MGAT4C: variants seen among roughly 807,000 people sequenced by gnomAD.
MGAT4C encodes the protein MGAT4 family member C.
In MGAT4C, 19 loss-of-function variants were observed where a neutral mutation model predicts 40.1. The ratio of observed to expected loss-of-function variants is 0.47; its 90% CI spans 0.33 to 0.70. The LOEUF (loss-of-function observed/expected upper bound fraction) is 0.70, where lower values mean the gene tolerates loss of function less well. Ranked by LOEUF, MGAT4C falls within the 30% of genes least tolerant of loss-of-function variation. The pLI, the probability that MGAT4C is intolerant of heterozygous loss-of-function variation, is 0.02. For synonymous variants in MGAT4C, 181 were observed against 187.1 expected, an observed-to-expected ratio of 0.97 and a Z score of 0.27; for missense variants, 491 against 563.2, an observed-to-expected ratio of 0.87 and a Z score of 1.30.
intron 2 of MGAT4C, among the ~76,000 whole-genome samples, chr12:86,575,728 G>A (rs1960534168): frequency 6.6e-6 from 1 of 151,884 alleles, no homozygotes; most frequent in Admixed American, 6.6e-5. Context: ...ATACCCAGCA[G>A]TGGGATTGCT....
At chr12:86,560,874 A>T (rs1461365311) in intron 2 of MGAT4C, among the ~76,000 whole-genome samples, 1 of 152,160 alleles carries the variant, frequency 6.6e-6, no homozygotes, top group African/African-American at 2.4e-5. Context: ...CAGAAAACAA[A>T]ATCTTATATA....
chr12:86,177,542 G>A (rs1200908051), intron 1 of MGAT4C, among the ~76,000 whole-genome samples: 1 of 152,012 alleles, frequency 6.6e-6, no homozygotes, highest in Non-Finnish European at 1.5e-5. Context: ...AGAAATAGAG[G>A]TGGGGCATAA....
At chr12:86,051,906 AT>A (rs1892935564) in intron 1 of MGAT4C, among the ~76,000 whole-genome samples, 1 of 151,708 alleles carries the variant, frequency 6.6e-6, no homozygotes, top group Non-Finnish European at 1.5e-5. Flanking sequence ...GATGAAAAAT[AT>A]TTTGAGTCAA....
Position 85,989,620 on chromosome 12 carries a change from T to C in MGAT4C, c.-6-68A>G. ...TGCAAATATTTCTTTATCGCATATA[T>C]AAAAGTCAGGTCCTTGTAAAATTTC... is the stretch of plus-strand genomic sequence containing the variant. On this transcript the variant is annotated intron_variant, in intron 2 of 4. Coordinates refer to ENST00000611864, the MANE Select transcript of MGAT4C (RefSeq NM_001351288.2). 2.2e-6 allele frequency: 3 copies of C among 1,390,948 alleles called. No individual in the cohort carries two copies. In the South Asian group the frequency reaches 4.3e-5, roughly 20 times the overall value. 86.2% of individuals were successfully genotyped at this position (1,390,948 alleles called of 1,614,324 possible).
chr12:86,150,575 A>T (rs1447469544), intron 1 of MGAT4C, among the ~76,000 whole-genome samples: 3 of 152,212 alleles, frequency 2.0e-5, no homozygotes, highest in Non-Finnish European at 4.4e-5. Context: ...TCCAAGTTCT[A>T]TTAAGAGTTC....
intron 3 of MGAT4C, among the ~76,000 whole-genome samples, chr12:86,351,072 C>T (rs1337197252): frequency 6.6e-6 from 1 of 151,414 alleles, no homozygotes; most frequent in Non-Finnish European, 1.5e-5. Context: ...ATTTCTAAAT[C>T]CTTCTCTAGT....
intron 1 of MGAT4C, among the ~76,000 whole-genome samples, chr12:86,176,593 C>T (rs1887466007): frequency 6.6e-6 from 1 of 151,820 alleles, no homozygotes; most frequent in Non-Finnish European, 1.5e-5. Context: ...ACATGTCAAT[C>T]ACTGGAAGGA....
chr12:86,636,388 C>G (rs1479490453), intron 2 of MGAT4C, among the ~76,000 whole-genome samples: 1 of 151,994 alleles, frequency 6.6e-6, no homozygotes, highest in African/African-American at 2.4e-5. Flanking sequence ...CAATAGTACT[C>G]TAGGATGTTT....
intron 2 of MGAT4C, among the ~76,000 whole-genome samples, chr12:86,470,581 T>C (rs1363160381): frequency 6.6e-6 from 1 of 152,168 alleles, no homozygotes; most frequent in African/African-American, 2.4e-5. Context: ...GAATTGAATC[T>C]TATTCTAAAC....
At chr12:86,341,911 G>T (rs1954914104) in intron 3 of MGAT4C, among the ~76,000 whole-genome samples, 1 of 152,138 alleles carries the variant, frequency 6.6e-6, no homozygotes, top group Admixed American at 6.5e-5. Context: ...TGCTGTTTGG[G>T]TGACTTAACC....
intron 1 of MGAT4C, among the ~76,000 whole-genome samples, chr12:86,803,453 G>T (rs1308817615): frequency 2.0e-5 from 3 of 151,912 alleles, no homozygotes; most frequent in Non-Finnish European, 4.4e-5. Context: ...CACAGCAAAA[G>T]AAACTACCAT....
At chr12:86,206,409 T>C (rs1179731206) in intron 1 of MGAT4C, among the ~76,000 whole-genome samples, 5 of 152,190 alleles carry the variant, frequency 3.3e-5, no homozygotes, top group African/African-American at 1.2e-4. Flanking sequence ...ATGTAATTAA[T>C]GACAACTATA....
chr12:86,244,255 G>C (rs1334661634), intron 1 of MGAT4C, among the ~76,000 whole-genome samples: 1 of 152,172 alleles, frequency 6.6e-6, no homozygotes, highest in Non-Finnish European at 1.5e-5. Flanking sequence ...GATTAGGAAA[G>C]ATGGTGACTG....
chr12:86,539,930 C>G (rs1438412115), intron 2 of MGAT4C, among the ~76,000 whole-genome samples: 1 of 152,124 alleles, frequency 6.6e-6, no homozygotes, highest in African/African-American at 2.4e-5. Flanking sequence ...AGCCCTTTGT[C>G]AGATTGGTAG....
At chr12:86,492,176 G>A (rs1431250459) in intron 2 of MGAT4C, among the ~76,000 whole-genome samples, 1 of 152,160 alleles carries the variant, frequency 6.6e-6, no homozygotes, top group Non-Finnish European at 1.5e-5. Flanking sequence ...AACATTCCAT[G>A]CTCCTGGGTA....
chr12:86,241,011 A>C (rs2136044487), intron 1 of MGAT4C, among the ~76,000 whole-genome samples: 1 of 152,264 alleles, frequency 6.6e-6, no homozygotes, highest in South Asian at 2.1e-4. Context: ...CTCACAGAAT[A>C]TTCCTCACCT....
At chr12:86,515,068 C>T (rs369523954) in intron 2 of MGAT4C, among the ~76,000 whole-genome samples, 1 of 152,098 alleles carries the variant, frequency 6.6e-6, no homozygotes, top group South Asian at 2.1e-4. Flanking sequence ...TGAAATGAAG[C>T]ATATTCACGA....
chr12:86,457,181 C>A (rs556432897), intron 2 of MGAT4C, among the ~76,000 whole-genome samples: 2 of 152,088 alleles, frequency 1.3e-5, no homozygotes, highest in African/African-American at 4.8e-5. Flanking sequence ...TTTAATATAT[C>A]ATCCTTTTTA....
In MGAT4C at chr12:86,450,836, ATATG is replaced by A. The variant is rs368354588; in HGVS notation, c.-228-15575_-228-15572del. ...TTCTTACATACACGTTTGTATACAC[ATATG>A]TATGTTTTTATCCATATGTGTGCAC... On this transcript the variant is annotated intron_variant, in intron 2 of 7. Coordinates refer to the MGAT4C transcript ENST00000548651. 1.3e-3 allele frequency among the ~76,000 whole-genome samples: 203 copies of A among 152,248 alleles called. 3 individuals are homozygous for A. The highest frequency in any genetic ancestry group is 4.6e-3 in the African/African-American group (191 of 41,548).
Sources: gnomAD v4.1 joint callset for allele counts (sites outside exome capture counted in the v4.1 genomes callset) on GRCh38, gnomAD v4.1.1 for gene constraint, MANE v1.5 for transcripts, NCBI Gene and HGNC (gene_info 2026-07-23, HGNC 2026-07-21) for gene names.